Variants in ITGA9 observed in about 807,000 individuals in gnomAD.
The protein encoded by ITGA9 is integrin subunit alpha 9.
Under a neutral mutation model 127.8 loss-of-function variants are expected in ITGA9, and 56 were observed. The ratio of observed to expected loss-of-function variants is 0.44; its 90% confidence interval spans 0.35 to 0.55. The LOEUF is 0.55. ITGA9 is among the 20% of genes least tolerant of loss of function. The pLI, the probability that ITGA9 is intolerant of heterozygous loss-of-function variation, is 0.00. For synonymous variants in ITGA9, 508 were observed against 514.5 expected (o/e 0.99, Z 0.17); for missense variants, 1,196 against 1,347.1 (o/e 0.89, Z 1.76).
intron 15 of ITGA9, among the ~76,000 whole-genome samples, chr3:37,608,197 C>T (rs1476194467): frequency 6.6e-6 from 1 of 152,164 alleles, no homozygotes; most frequent in Non-Finnish European, 1.5e-5. Context: ...GTCACATTTA[C>T]CTTGGTTAGG....
intron 15 of ITGA9, among the ~76,000 whole-genome samples, chr3:37,616,900 G>A (rs1700080372): frequency 6.6e-6 from 1 of 152,102 alleles, no homozygotes; most frequent in Admixed American, 6.5e-5. Flanking sequence ...CACACTGATG[G>A]GTCTTGACTC....
At chr3:37,484,102 G>C (rs1698584371) in intron 4 of ITGA9, among the ~76,000 whole-genome samples, 2 of 152,172 alleles carry the variant, frequency 1.3e-5, no homozygotes, top group South Asian at 4.1e-4. Context: ...TTAGCAAAAT[G>C]ATTATGCCCC....
intron 15 of ITGA9, among the ~76,000 whole-genome samples, chr3:37,577,478 G>A (rs1699664942): frequency 6.6e-6 from 1 of 152,178 alleles, no homozygotes; most frequent in Non-Finnish European, 1.5e-5. Context: ...TGCTGCTTCT[G>A]GTGTATCATC....
intron 20 of ITGA9, among the ~76,000 whole-genome samples, chr3:37,740,824 G>A (rs1696424180): frequency 6.6e-6 from 1 of 152,126 alleles, no homozygotes; most frequent in Admixed American, 6.5e-5. Flanking sequence ...TTTCTCACCC[G>A]GAGGCCTTAT....
intron 13 of ITGA9, 142 bp from the exon 14 acceptor site, chr3:37,533,172 A>G (rs937167438): frequency 2.5e-6 from 2 of 787,510 alleles, no homozygotes; most frequent in Non-Finnish European, 2.2e-6. Context: ...AGAACATACT[A>G]GCCCTTCTCT....
rs1215683751 is a variant in ITGA9, at chr3:37,513,811, G to A, written c.946G>A (p.Asp316Asn). Reference protein sequence around the residue: ...SSLCAVDLNGDGLSDLLVGAP... With the variant: ...SSLCAVDLNGNGLSDLLVGAP... ...CTTGTGCGCAGTTGACCTGAATGGGGACGGCCTCTCTGACCTGCTGGTGGG... is the reference window on the plus strand; with the variant it reads ...CTTGTGCGCAGTTGACCTGAATGGGAACGGCCTCTCTGACCTGCTGGTGGG... Residue 316 changes from aspartate to asparagine, a missense_variant, in exon 9 of 28, where the codon GAC (aspartate) becomes AAC (asparagine). Asp to Asn is a conservative substitution (Grantham distance 23). Coordinates refer to ENST00000264741, the MANE Select transcript of ITGA9 (RefSeq NM_002207.3). 1 of 1,614,016 alleles carries A rather than the reference G, an allele frequency of 6.2e-7. No individual in the cohort carries two copies. Among genetic ancestry groups the A allele is most frequent in the Non-Finnish European group, 8.5e-7 (1 of 1,180,028 alleles).
Position 37,611,023 on chromosome 3 carries a change from AG to A in ITGA9, c.1690-18161del, listed in dbSNP as rs754882665. On this transcript the variant is annotated intron_variant, in intron 15 of 27. Coordinates refer to ENST00000264741, the MANE Select transcript of ITGA9 (RefSeq NM_002207.3). ...GAGATGTAAACACTGAAAGGAAGTA[AG>A]GGTAGAGCAAAAAAAAAGTAAAGCA... Among the ~76,000 whole-genome samples, 11 of 152,338 alleles carry A rather than the reference AG, an allele frequency of 7.2e-5. No homozygotes were observed. In the East Asian group the frequency reaches 1.5e-3, roughly 21 times the overall value.
intron 1 of ITGA9, among the ~76,000 whole-genome samples, chr3:37,460,359 T>C (rs1196865463): frequency 6.6e-6 from 1 of 152,172 alleles, no homozygotes; most frequent in East Asian, 1.9e-4. Context: ...TGAGTAAGAA[T>C]GAGTAAGAAC....
At position 37,508,547 on chromosome 3, in the gene ITGA9, TTCA is replaced by T; in HGVS notation, c.829-10_829-8del. Reference sequence around the variant, plus strand: ...TTCATCCTAACTAGATTTTTTTTTTTTCATTCCATAGGTTTATATTTTCAGAGC... The same window carrying T: ...TTCATCCTAACTAGATTTTTTTTTTTTTCCATAGGTTTATATTTTCAGAGC... On this transcript the variant is annotated splice_polypyrimidine_tract_variant and intron_variant, in intron 7 of 27. Coordinates refer to ENST00000264741, the MANE Select transcript of ITGA9 (RefSeq NM_002207.3). 6.2e-7 allele frequency: 1 copy of T among 1,609,600 alleles called. No homozygotes were observed. The highest frequency in any genetic ancestry group is 1.1e-5 in the South Asian group (1 of 90,912).
intron 24 of ITGA9, among the ~76,000 whole-genome samples, chr3:37,778,815 T>C (rs1263356982): frequency 1.3e-5 from 2 of 151,902 alleles, no homozygotes; most frequent in African/African-American, 4.8e-5. Context: ...TATCATTTCC[T>C]TTCTCATTCT....
At chr3:37,533,574 G>T (rs991931845) in intron 14 of ITGA9, 106 bp downstream of exon 14, 15 of 1,147,878 alleles carry the variant, frequency 1.3e-5, no homozygotes, top group Middle Eastern at 2.1e-4. Flanking sequence ...GGTTTTGCAG[G>T]CAGCAGGCAC....
intron 23 of ITGA9, among the ~76,000 whole-genome samples, chr3:37,755,825 T>G (rs1420463037): frequency 6.6e-6 from 1 of 152,056 alleles, no homozygotes. Context: ...GGGGACAAGT[T>G]TATGTACCAA....
At chr3:37,523,033 G>C (rs1315624817) in intron 11 of ITGA9, among the ~76,000 whole-genome samples, 1 of 152,190 alleles carries the variant, frequency 6.6e-6, no homozygotes, top group African/African-American at 2.4e-5. Context: ...TTTCCAGCTG[G>C]ACATGTTAAT....
At chr3:37,710,294 C>T (rs59502162) in intron 18 of ITGA9, among the ~76,000 whole-genome samples, 67,225 of 151,936 alleles carry the variant, frequency 0.44, 15,222 homozygotes, top group South Asian at 0.57. Context: ...AACCCTCGTC[C>T]GTCTAATGGC....
At position 37,804,710 on chromosome 3, in the gene ITGA9, T is replaced by C. The variant is rs547859316; in HGVS notation, c.3009+768T>C. ...TTCCTGACACCAAAGTCCATACTTC[T>C]CTAGAATTACAAATTTCAGATGTAG... On this transcript the variant is annotated intron_variant, in intron 27 of 27. Coordinates refer to ENST00000264741, the MANE Select transcript of ITGA9 (RefSeq NM_002207.3). 1.0e-3 allele frequency among the ~76,000 whole-genome samples: 156 copies of C among 152,306 alleles called. 3 individuals carry two copies. The highest frequency in any genetic ancestry group is 9.8e-3 in the Admixed American group (150 of 15,292).
intron 15 of ITGA9, among the ~76,000 whole-genome samples, chr3:37,603,267 C>T (rs1396618560): frequency 6.6e-6 from 1 of 152,250 alleles, no homozygotes; most frequent in East Asian, 1.9e-4. Flanking sequence ...ATGGTTGCAT[C>T]TGTACTGAAC....
intron 1 of ITGA9, among the ~76,000 whole-genome samples, chr3:37,463,855 C>T (rs1314074041): frequency 6.6e-6 from 1 of 152,102 alleles, no homozygotes; most frequent in East Asian, 1.9e-4. Context: ...TTCTATTAAC[C>T]TAAATAGCAA....
intron 21 of ITGA9, among the ~76,000 whole-genome samples, chr3:37,742,316 C>T (rs964641352): frequency 2.0e-5 from 3 of 152,120 alleles, no homozygotes; most frequent in African/African-American, 7.2e-5. Flanking sequence ...CTCTGCAGAG[C>T]CAGAGGTGGC....
chr3:37,744,357 T>C (rs1696475066), intron 22 of ITGA9, among the ~76,000 whole-genome samples: 1 of 152,152 alleles, frequency 6.6e-6, no homozygotes, highest in South Asian at 2.1e-4. Context: ...CCCTTTCTGT[T>C]CTCCATCATT....
Sources: gnomAD v4.1 joint callset for allele counts (sites outside exome capture counted in the v4.1 genomes callset) on GRCh38, gnomAD v4.1.1 for gene constraint, MANE v1.5 for transcripts, NCBI Gene and HGNC (gene_info 2026-07-23, HGNC 2026-07-21) for gene names.